CCDC9: variants seen among roughly 807,000 people sequenced by gnomAD.
CCDC9 encodes coiled-coil domain-containing protein 9.
Under a neutral mutation model 65.6 loss-of-function variants are expected in CCDC9, and 52 were observed. That is an observed-to-expected ratio of 0.79 (90% CI 0.63 to 1.00). CCDC9 has a LOEUF of 1.00. Among genes scored for constraint, CCDC9 ranks in the 50% least tolerant of loss-of-function variants. The probability of loss-of-function intolerance (pLI) is 0.00; values close to 1 mark genes in which losing one functional copy is unlikely to be tolerated. For missense variants in CCDC9, 834 were observed against 757.2 expected (o/e 1.10, Z -1.19); for synonymous variants, 332 against 280.3 (o/e 1.18, Z -1.84).
intron 8 of CCDC9, among the ~76,000 whole-genome samples, chr19:47,270,010 C>A (rs933220919): frequency 6.6e-6 from 1 of 151,840 alleles, no homozygotes; most frequent in Non-Finnish European, 1.5e-5. Flanking sequence ...CCTCTGTCAC[C>A]CAGGCTCGAG....
chr19:47,272,457 C>A (rs965299543), downstream of CCDC9, among the ~76,000 whole-genome samples: 1 of 152,056 alleles, frequency 6.6e-6, no homozygotes, highest in Non-Finnish European at 1.5e-5. Context: ...TTGGAAAGCA[C>A]TGGTTTAAGA....
chr19:47,258,628 C>T lies in CCDC9; in HGVS notation c.73C>T (p.Arg25Trp), dbSNP rs1296125820. The T allele has an allele frequency of 5.0e-6, 8 of 1,614,102 alleles. No individual in the cohort carries two copies. The highest frequency in any genetic ancestry group is 6.8e-6 in the Non-Finnish European group (8 of 1,179,966). The change falls in exon 3 of 12, where the codon CGG (arginine) becomes TGG (tryptophan). Residue 25 changes from arginine (R) to tryptophan (W), a missense_variant. Arg to Trp is a moderately radical substitution (Grantham distance 101). Transcript: ENST00000221922. Reference protein sequence around the residue: ...AELDKRIEALRRKNEALIRRY... With the variant: ...AELDKRIEALWRKNEALIRRY... The stretch of plus-strand genomic sequence containing the variant: ...GTTGGACAAGAGGATCGAGGCTCTT[C>T]GGCGGAAGAATGAGGCCCTCATCCG...
At chr19:47,274,864 C>A, downstream of CCDC9, 1 of 1,069,886 alleles carries the variant, frequency 9.3e-7, no homozygotes, top group Non-Finnish European at 1.1e-6. Flanking sequence ...GGGGGCGGGG[C>A]CTGGTGGGGG....
chr19:47,264,665 C>G lies in CCDC9; in HGVS notation c.525C>G (p.Ala175=), dbSNP rs771763612. 5 of 1,604,672 alleles carry G rather than the reference C, an allele frequency of 3.1e-6. No individual in the cohort carries two copies. The highest frequency in any genetic ancestry group is 1.1e-5 in the South Asian group (1 of 89,404). ...TGAATGAGGAGATGGAGAAGATCGCCGAGTATGAGCGCAACCAGCGGGTCA... is the reference window on the plus strand; with the variant it reads ...TGAATGAGGAGATGGAGAAGATCGCGGAGTATGAGCGCAACCAGCGGGTCA... ...EKMNEEMEKI[A]EYERNQREGV... The change falls in exon 6 of 12, where the codon GCC becomes GCG. Residue 175 remains alanine (A), a synonymous_variant. Transcript: ENST00000221922.
At chr19:47,266,567 A>C (rs1215375144) in intron 7 of CCDC9, 44 bp from the exon 8 acceptor site, 1 of 1,460,220 alleles carries the variant, frequency 6.8e-7, no homozygotes, top group Non-Finnish European at 9.1e-7. Context: ...GGGGCGGGGT[A>C]GGGTGCGGGA....
chr19:47,258,481 A>C (rs2059025361), intron 2 of CCDC9, 78 bp downstream of exon 2: 2 of 1,604,828 alleles, frequency 1.2e-6, no homozygotes, highest in Non-Finnish European at 1.7e-6. Flanking sequence ...ATAGGGGCAG[A>C]CTCTCAGACC....
At chr19:47,262,639 C>G (rs2059053871) in intron 5 of CCDC9, among the ~76,000 whole-genome samples, 1 of 152,270 alleles carries the variant, frequency 6.6e-6, no homozygotes, top group Non-Finnish European at 1.5e-5. Context: ...TGCTTTATCA[C>G]TTTTGGTCAT....
At chr19:47,264,147 C>A (rs542961988) in intron 5 of CCDC9, among the ~76,000 whole-genome samples, 1 of 152,214 alleles carries the variant, frequency 6.6e-6, no homozygotes, top group Admixed American at 6.5e-5. Flanking sequence ...TCCCAAAGTG[C>A]TGGGATTACA....
At chr19:47,275,244 C>T (rs1195653629), downstream of CCDC9, 4 of 1,537,064 alleles carry the variant, frequency 2.6e-6, no homozygotes, top group South Asian at 1.2e-5. Flanking sequence ...CCAGCTCCAG[C>T]TGCCGCTGAG....
intron 1 of CCDC9, chr19:47,257,422 G>C (rs1010418124): frequency 6.6e-6 from 1 of 151,694 alleles, no homozygotes; most frequent in Non-Finnish European, 1.5e-5. Flanking sequence ...GCCCATGGGT[G>C]GGGGCGGGGC....
downstream of CCDC9, among the ~76,000 whole-genome samples, chr19:47,272,554 G>T (rs965063473): frequency 1.3e-5 from 2 of 152,008 alleles, no homozygotes; most frequent in Non-Finnish European, 1.5e-5. Context: ...CCTGGGAGGC[G>T]GAGGCTGCAG....
chr19:47,261,125 T>A (rs2059043038), intron 5 of CCDC9, among the ~76,000 whole-genome samples: 1 of 152,000 alleles, frequency 6.6e-6, no homozygotes, highest in Non-Finnish European at 1.5e-5. Flanking sequence ...CCTCCTCGCC[T>A]TCCTTCCCTC....
At chr19:47,258,805 C>G (rs906873178) in intron 3 of CCDC9, 142 bp downstream of exon 3, 2 of 645,026 alleles carry the variant, frequency 3.1e-6, no homozygotes, top group Admixed American at 2.8e-5. Context: ...GACATCCCTT[C>G]TTTCATTCCA....
chr19:47,263,011 G>A (rs2059055741), intron 5 of CCDC9, among the ~76,000 whole-genome samples: 1 of 151,584 alleles, frequency 6.6e-6, no homozygotes, highest in Non-Finnish European at 1.5e-5. Context: ...GATCACTTGG[G>A]AGGCTGAGCC....
At chr19:47,265,726 C>T (rs1250096117) in intron 7 of CCDC9, among the ~76,000 whole-genome samples, 13 of 148,858 alleles carry the variant, frequency 8.7e-5, no homozygotes, top group South Asian at 2.1e-4. Context: ...CTTGCTCCAT[C>T]GCCCAGGCTG....
At chr19:47,267,943 G>A (rs1231916716) in intron 8 of CCDC9, among the ~76,000 whole-genome samples, 1 of 152,034 alleles carries the variant, frequency 6.6e-6, no homozygotes, top group Non-Finnish European at 1.5e-5. Context: ...CGCCTCCTGG[G>A]TTCAAGCGAT....
chr19:47,272,684 C>T (rs1022089542), downstream of CCDC9, among the ~76,000 whole-genome samples: 1 of 152,290 alleles, frequency 6.6e-6, no homozygotes, highest in East Asian at 1.9e-4. Context: ...GAAATTTGAA[C>T]TGGCTCGAAA....
chr19:47,273,781 G>A (rs1047120382), downstream of CCDC9: 2 of 300,712 alleles, frequency 6.7e-6, no homozygotes, highest in African/African-American at 4.3e-5. Flanking sequence ...ACTTCCGAAG[G>A]GCTTGAATTA....
chr19:47,268,448 G>T (rs915118558), intron 8 of CCDC9, among the ~76,000 whole-genome samples: 4 of 152,138 alleles, frequency 2.6e-5, no homozygotes, highest in Non-Finnish European at 1.5e-5. Flanking sequence ...GCATTTTGTT[G>T]TGGATTGTGA....
Sources: gnomAD v4.1 joint callset for allele counts (sites outside exome capture counted in the v4.1 genomes callset) on GRCh38, gnomAD v4.1.1 for gene constraint, MANE v1.5 for transcripts, NCBI Gene and HGNC (gene_info 2026-07-23, HGNC 2026-07-21) for gene names.